LBH: variants seen among roughly 807,000 people sequenced by gnomAD.
LBH encodes LBH regulator of Wnt signaling pathway.
Under a neutral mutation model 12.5 loss-of-function variants are expected in LBH, and 7 were observed. That is an observed-to-expected ratio of 0.56 (90% CI 0.32 to 1.05). LBH has a LOEUF of 1.05. Ranked by LOEUF, LBH falls within the 50% of genes least tolerant of loss-of-function variation. LBH has a pLI of 0.04. For missense variants in LBH, 119 were observed against 138.9 expected, an observed-to-expected ratio of 0.86 and a Z score of 0.72; for synonymous variants, 51 against 50.1, an observed-to-expected ratio of 1.02 and a Z score of -0.08.
intron 2 of LBH, among the ~76,000 whole-genome samples, chr2:30,246,967 T>C (rs1677882781): frequency 6.6e-6 from 1 of 151,788 alleles, no homozygotes; most frequent in Non-Finnish European, 1.5e-5. Context: ...TGACTATAGA[T>C]ATGTGCCACC....
At chr2:30,242,140 A>G (rs373201703) in intron 2 of LBH, among the ~76,000 whole-genome samples, 1 of 152,218 alleles carries the variant, frequency 6.6e-6, no homozygotes, top group Non-Finnish European at 1.5e-5. Context: ...CATACTTTAT[A>G]CTGTTTCCTT....
chr2:30,241,201 G>T (rs972887188), intron 2 of LBH, among the ~76,000 whole-genome samples: 1 of 152,158 alleles, frequency 6.6e-6, no homozygotes, highest in Non-Finnish European at 1.5e-5. Flanking sequence ...TATCCCCATG[G>T]ACGTAGGCAG....
Position 30,233,167 on chromosome 2 carries a change from G to T in LBH, c.27-1238G>T, listed in dbSNP as rs537261801. 3 of 152,342 alleles carry T rather than the reference G, an allele frequency of 2.0e-5. No homozygotes were observed. The East Asian group carries it at 5.8e-4, about 29-fold the overall frequency. 9.4% of individuals were successfully genotyped at this position (152,342 alleles called of 1,614,324 possible). ...TTTGGACCCATTAAGAATATTATGA[G>T]AAATTAAGGTTTAAGTTTATTTCAT... On this transcript the variant is annotated intron_variant, in intron 1 of 2. Transcript: ENST00000395323.
chr2:30,234,359 T>A, intron 1 of LBH, 46 bp from the exon 2 acceptor site: 1 of 1,434,416 alleles, frequency 7.0e-7, no homozygotes, highest in Middle Eastern at 1.7e-4. Context: ...GTTAGGAATG[T>A]GAAAGCGCGT....
chr2:30,250,089 C>T (rs987473232), intron 2 of LBH, among the ~76,000 whole-genome samples: 1 of 152,060 alleles, frequency 6.6e-6, no homozygotes, highest in African/African-American at 2.4e-5. Context: ...AAGATGGAGG[C>T]GAGGAAAAAG....
intron 2 of LBH, among the ~76,000 whole-genome samples, chr2:30,240,691 T>C (rs973322043): frequency 6.6e-6 from 1 of 152,198 alleles, no homozygotes; most frequent in African/African-American, 2.4e-5. Flanking sequence ...GCCCAAAGTT[T>C]CTCCAAACTA....
chr2:30,257,357 G>T, intron 2 of LBH, 76 bp from the exon 3 acceptor site: 2 of 1,521,538 alleles, frequency 1.3e-6, no homozygotes, highest in Admixed American at 1.7e-5. Flanking sequence ...TATGCCACAT[G>T]GATGTGCAAA....
At chr2:30,256,288 C>T (rs908275223) in intron 2 of LBH, among the ~76,000 whole-genome samples, 23 of 152,090 alleles carry the variant, frequency 1.5e-4, no homozygotes, top group Non-Finnish European at 2.8e-4. Context: ...GCCTGGCTGA[C>T]GGGACTCTGG....
At chr2:30,239,429 C>A (rs999466663) in intron 2 of LBH, among the ~76,000 whole-genome samples, 2 of 152,188 alleles carry the variant, frequency 1.3e-5, no homozygotes, top group African/African-American at 4.8e-5. Context: ...TGCTTACTCC[C>A]AGCTGTAGTT....
intron 2 of LBH, among the ~76,000 whole-genome samples, chr2:30,244,198 C>A (rs1467868088): frequency 6.6e-6 from 1 of 152,126 alleles, no homozygotes; most frequent in Non-Finnish European, 1.5e-5. Flanking sequence ...CAGCACAATC[C>A]TTTTAGGATC....
intron 2 of LBH, among the ~76,000 whole-genome samples, chr2:30,239,996 G>A (rs1235804478): frequency 1.3e-5 from 2 of 152,110 alleles, no homozygotes; most frequent in East Asian, 1.9e-4. Context: ...CAGCCAACAC[G>A]TTGCATACTA....
intron 2 of LBH, among the ~76,000 whole-genome samples, 160 bp from the exon 3 acceptor site, chr2:30,257,273 C>T (rs540618932): frequency 1.3e-5 from 2 of 152,338 alleles, no homozygotes; most frequent in East Asian, 3.9e-4. Context: ...AATATTCTCC[C>T]GTGGCTCCCA....
intron 2 of LBH, among the ~76,000 whole-genome samples, chr2:30,248,550 GGTA>G (rs1223362255): frequency 6.6e-6 from 1 of 152,210 alleles, no homozygotes; most frequent in Non-Finnish European, 1.5e-5. Context: ...TGGGACATTG[GGTA>G]GTACTAGTGG....
At chr2:30,232,243 G>T in intron 1 of LBH, 3 of 639,054 alleles carry the variant, frequency 4.7e-6, no homozygotes, top group Non-Finnish European at 8.1e-6. Flanking sequence ...CGGGGGGGTG[G>T]GGGGCGGGAA....
At chr2:30,251,186 C>G (rs1677972755) in intron 2 of LBH, among the ~76,000 whole-genome samples, 1 of 151,480 alleles carries the variant, frequency 6.6e-6, no homozygotes, top group Non-Finnish European at 1.5e-5. Flanking sequence ...CCACAAAGTG[C>G]TAGGATTACA....
chr2:30,237,934 G>T (rs1677716193), intron 2 of LBH, among the ~76,000 whole-genome samples: 1 of 152,088 alleles, frequency 6.6e-6, no homozygotes, highest in Non-Finnish European at 1.5e-5. Flanking sequence ...GAGTGGGGAG[G>T]GTCTCCAGCA....
rs770761774 is a variant in LBH at position 30,258,378 on chromosome 2, C to CTT, written c.*760_*761dup. On this transcript the variant is annotated 3_prime_UTR_variant, in exon 3 of 3. Coordinates refer to ENST00000395323, the MANE Select transcript of LBH (RefSeq NM_030915.4). ...TGTGATCGGTTTTTAAGAGGCAGTG[C>CTT]TTTTCAGCTTTTCTCCCTGATATAT... The CTT allele has an allele frequency of 6.6e-6, 1 of 152,360 alleles. No individual in the cohort carries two copies. The highest frequency in any genetic ancestry group is 1.5e-5 in the Non-Finnish European group (1 of 68,168). 9.4% of individuals were successfully genotyped at this position (152,360 alleles called of 1,614,324 possible).
chr2:30,241,251 C>T (rs1469227042), intron 2 of LBH, among the ~76,000 whole-genome samples: 4 of 152,182 alleles, frequency 2.6e-5, no homozygotes, highest in Non-Finnish European at 5.9e-5. Context: ...CACATTCACA[C>T]ACACAACTGT....
At chr2:30,243,442 C>G (rs1677822507) in intron 2 of LBH, among the ~76,000 whole-genome samples, 1 of 151,542 alleles carries the variant, frequency 6.6e-6, no homozygotes, top group African/African-American at 2.4e-5. Flanking sequence ...ACCAACTTGG[C>G]TTTCCTGGGG....
Sources: allele counts gnomAD v4.1 joint callset (sites outside exome capture counted in the v4.1 genomes callset), GRCh38; gene constraint gnomAD v4.1.1; transcripts MANE v1.5; gene names NCBI Gene and HGNC (gene_info 2026-07-23, HGNC 2026-07-21).